Variants in NRG1 observed in about 807,000 individuals in gnomAD.
The protein encoded by NRG1 is pro-neuregulin-1, membrane-bound isoform.
NRG1 carries 18 observed loss-of-function variants against 63.8 expected under a neutral mutation model. The observed-to-expected ratio is 0.28, with a 90% CI of 0.19 to 0.42. NRG1 has a LOEUF of 0.42. NRG1 is among the 10% of genes least tolerant of loss of function. The pLI is 1.00. For missense variants in NRG1, 762 were observed against 814.7 expected, an observed-to-expected ratio of 0.94 and a Z score of 0.79; for synonymous variants, 302 against 301.3, an observed-to-expected ratio of 1.00 and a Z score of -0.02.
intron 5 of NRG1, among the ~76,000 whole-genome samples, chr8:32,646,508 C>A (rs1647932885): frequency 6.6e-6 from 1 of 152,156 alleles, no homozygotes; most frequent in Non-Finnish European, 1.5e-5. Flanking sequence ...TAGCAGACTT[C>A]AAGCCTCAGG....
chr8:31,918,515 C>T (rs1279205804), intron 1 of NRG1, among the ~76,000 whole-genome samples: 5 of 152,046 alleles, frequency 3.3e-5, no homozygotes, highest in South Asian at 2.1e-4. Context: ...TATTGATTTG[C>T]GTGTATTGAA....
At chr8:32,545,928 T>C (rs1271507317), upstream of NRG1, among the ~76,000 whole-genome samples, 1 of 152,180 alleles carries the variant, frequency 6.6e-6, no homozygotes, top group Non-Finnish European at 1.5e-5. Flanking sequence ...ATTTTTGTCC[T>C]GTCTTTTCCC....
At chr8:32,050,880 A>G (rs955896129) in intron 1 of NRG1, among the ~76,000 whole-genome samples, 2 of 152,208 alleles carry the variant, frequency 1.3e-5, no homozygotes, top group Non-Finnish European at 2.9e-5. Context: ...ATTGTGGGAA[A>G]GTAGAAAGTA....
Position 32,551,793 on chromosome 8 carries a change from C to A in NRG1, c.100+2967C>A, listed in dbSNP as rs377066843. The stretch of plus-strand genomic sequence containing the variant: ...GGGTGCTGTATCACTGATCCACGTA[C>A]CAAGAGCCCTGTAACAGCCTGGGTC... On this transcript the variant is annotated intron_variant, in intron 1 of 11. Transcript: ENST00000356819. 2.0e-5 allele frequency among the ~76,000 whole-genome samples: 3 copies of A among 152,096 alleles called. No homozygotes were observed. In the East Asian group the frequency reaches 5.8e-4, roughly 29 times the overall value.
At chr8:32,755,388 G>T (rs1008126510) in intron 8 of NRG1, among the ~76,000 whole-genome samples, 1 of 152,146 alleles carries the variant, frequency 6.6e-6, no homozygotes, top group East Asian at 1.9e-4. Context: ...CATTGAGGAA[G>T]AAAAATAATA....
chr8:32,396,843 T>G lies in NRG1; in HGVS notation c.38-198985T>G, dbSNP rs1159540490. On this transcript the variant is annotated intron_variant, in intron 1 of 10. Coordinates refer to the NRG1 transcript ENST00000519301. ...TTCTATTACAGAGCTTTCTCTACTA[T>G]GCTGACATCCATCTGAGGTCTCTTC... Among the ~76,000 whole-genome samples the G allele has an allele frequency of 2.6e-5, 4 of 152,366 alleles. No individual in the cohort carries two copies. In the East Asian group the frequency reaches 7.7e-4, roughly 29 times the overall value.
chr8:31,876,698 A>G (rs1829952382), intron 1 of NRG1, among the ~76,000 whole-genome samples: 1 of 152,128 alleles, frequency 6.6e-6, no homozygotes, highest in Admixed American at 6.6e-5. Flanking sequence ...ATAAAAATAA[A>G]TGTTTTGCAT....
At chr8:32,450,802 G>A (rs1043061493) in intron 1 of NRG1, among the ~76,000 whole-genome samples, 8 of 152,140 alleles carry the variant, frequency 5.3e-5, no homozygotes, top group Non-Finnish European at 1.0e-4. Flanking sequence ...TAAGCTATGA[G>A]CCAGGAAAGA....
intron 1 of NRG1, among the ~76,000 whole-genome samples, chr8:32,542,553 AATTAGGC>A (rs1832677572): frequency 6.6e-6 from 1 of 152,218 alleles, no homozygotes; most frequent in Non-Finnish European, 1.5e-5. Context: ...TGTTAAGTGG[AATTAGGC>A]AAAGTGTGGT....
intron 1 of NRG1, among the ~76,000 whole-genome samples, chr8:32,396,637 G>A (rs1341597474): frequency 6.6e-6 from 1 of 152,042 alleles, no homozygotes; most frequent in African/African-American, 2.4e-5. Flanking sequence ...TAATAGCAAT[G>A]GGGTTTCACT....
At chr8:31,800,495 C>G (rs1394650268) in intron 1 of NRG1, among the ~76,000 whole-genome samples, 1 of 152,138 alleles carries the variant, frequency 6.6e-6, no homozygotes, top group Non-Finnish European at 1.5e-5. Flanking sequence ...GTAAAGTTGA[C>G]AGGATTCTAT....
intron 1 of NRG1, among the ~76,000 whole-genome samples, chr8:31,664,911 A>C (rs1325306616): frequency 7.2e-5 from 11 of 152,264 alleles, no homozygotes; most frequent in African/African-American, 2.7e-4. Flanking sequence ...GGAGACACCC[A>C]GACCTTAGAA....
chr8:32,653,440 A>AC (rs149749296), intron 5 of NRG1, among the ~76,000 whole-genome samples: 6,356 of 152,154 alleles, frequency 0.042, 434 homozygotes, highest in African/African-American at 0.14. Flanking sequence ...CAAATACTGA[A>AC]CACTTGCCCA....
At chr8:32,271,153 C>CA (rs1052295755) in intron 1 of NRG1, among the ~76,000 whole-genome samples, 1 of 151,940 alleles carries the variant, frequency 6.6e-6, no homozygotes, top group African/African-American at 2.4e-5. Flanking sequence ...CTTCCTAAAC[C>CA]AGAGAATTTT....
intron 1 of NRG1, among the ~76,000 whole-genome samples, chr8:31,979,891 C>T (rs936867608): frequency 6.6e-6 from 1 of 152,066 alleles, no homozygotes; most frequent in Non-Finnish European, 1.5e-5. Context: ...ACAGCTTCCT[C>T]AGCATCTGAT....
At chr8:31,860,948 A>G (rs1236492675) in intron 1 of NRG1, among the ~76,000 whole-genome samples, 1 of 152,208 alleles carries the variant, frequency 6.6e-6, no homozygotes, top group Non-Finnish European at 1.5e-5. Context: ...TCATTTAGAA[A>G]GCCGAGATTC....
intron 1 of NRG1, among the ~76,000 whole-genome samples, chr8:31,661,922 A>G (rs975762006): frequency 6.6e-6 from 1 of 152,158 alleles, no homozygotes; most frequent in African/African-American, 2.4e-5. Flanking sequence ...GCATATTCCC[A>G]TTTTACAATC....
intron 5 of NRG1, among the ~76,000 whole-genome samples, chr8:32,633,948 C>T (rs931189681): frequency 7.3e-5 from 11 of 151,626 alleles, no homozygotes; most frequent in African/African-American, 2.7e-4. Context: ...TCGAGACTAG[C>T]CTGGGCAACA....
chr8:32,096,568 A>C (rs10097567), intron 1 of NRG1, among the ~76,000 whole-genome samples: 55,960 of 152,064 alleles, frequency 0.37, 10,860 homozygotes, highest in East Asian at 0.5. Flanking sequence ...TGATGTCTGG[A>C]AAAATTCAAA....
Sources: gnomAD v4.1 joint callset for allele counts (sites outside exome capture counted in the v4.1 genomes callset) on GRCh38, gnomAD v4.1.1 for gene constraint, MANE v1.5 for transcripts, NCBI Gene and HGNC (gene_info 2026-07-23, HGNC 2026-07-21) for gene names.